CDKAL1: variants seen among roughly 807,000 people sequenced by gnomAD.
The protein encoded by CDKAL1 is CDKAL1 threonylcarbamoyladenosine tRNA methylthiotransferase, also known as threonylcarbamoyladenosine tRNA methylthiotransferase.
Under a neutral mutation model 68.2 loss-of-function variants are expected in CDKAL1, and 32 were observed. The ratio of observed to expected loss-of-function variants is 0.47; its 90% CI spans 0.35 to 0.63. The LOEUF is 0.63. Among genes scored for constraint, CDKAL1 ranks in the 30% least tolerant of loss-of-function variants. The pLI is 0.00. For missense variants in CDKAL1, 606 were observed against 696.7 expected (o/e 0.87, Z 1.47); for synonymous variants, 234 against 244.3 (o/e 0.96, Z 0.39).
chr6:20,911,507 A>G (rs1762467555), intron 9 of CDKAL1, among the ~76,000 whole-genome samples: 1 of 152,244 alleles, frequency 6.6e-6, no homozygotes, highest in African/African-American at 2.4e-5. Context: ...GCAGGGTGAC[A>G]CCAAAATGCC....
intron 5 of CDKAL1, among the ~76,000 whole-genome samples, chr6:20,657,160 G>A (rs1226779950): frequency 1.3e-5 from 2 of 152,292 alleles, no homozygotes; most frequent in East Asian, 3.9e-4. Flanking sequence ...GATGAGTAGT[G>A]TAACATTGTT....
At chr6:20,668,266 C>CT in intron 5 of CDKAL1, among the ~76,000 whole-genome samples, 1 of 152,200 alleles carries the variant, frequency 6.6e-6, no homozygotes, top group South Asian at 2.1e-4. Flanking sequence ...CACCTCTCGA[C>CT]TTTTTTGGTA....
chr6:20,835,837 A>C (rs1246408909), intron 8 of CDKAL1, among the ~76,000 whole-genome samples: 2 of 152,130 alleles, frequency 1.3e-5, no homozygotes, highest in African/African-American at 2.4e-5. Flanking sequence ...GGCATGAGTC[A>C]CTGCGCCTGG....
chr6:20,679,164 G>A (rs1458306977), intron 5 of CDKAL1, among the ~76,000 whole-genome samples: 1 of 152,130 alleles, frequency 6.6e-6, no homozygotes, highest in African/African-American at 2.4e-5. Flanking sequence ...CCCTCCTCCT[G>A]CCCTGGCCTC....
chr6:20,617,039 A>AG (rs755858172), intron 4 of CDKAL1, among the ~76,000 whole-genome samples: 1 of 85,312 alleles, frequency 1.2e-5, no homozygotes, highest in Non-Finnish European at 2.5e-5. Flanking sequence ...TTTCTGTCTC[A>AG]GAAGAAAAAA....
chr6:21,103,672 A>AT (rs909068111), intron 12 of CDKAL1, among the ~76,000 whole-genome samples: 1 of 152,178 alleles, frequency 6.6e-6, no homozygotes. Context: ...GTACTTTGGG[A>AT]TTAATGATGA....
intron 4 of CDKAL1, among the ~76,000 whole-genome samples, chr6:20,640,243 A>T (rs1053796645): frequency 1.3e-5 from 2 of 152,172 alleles, no homozygotes; most frequent in African/African-American, 4.8e-5. Flanking sequence ...TTCTTACTGA[A>T]TTTTTATTTG....
chr6:21,116,224 G>A (rs1435493473), intron 13 of CDKAL1, among the ~76,000 whole-genome samples: 1 of 152,030 alleles, frequency 6.6e-6, no homozygotes, highest in Non-Finnish European at 1.5e-5. Flanking sequence ...GTAGAATCGA[G>A]GTATTTACAA....
chr6:20,573,290 A>G (rs1764778585), intron 4 of CDKAL1, among the ~76,000 whole-genome samples: 1 of 152,176 alleles, frequency 6.6e-6, no homozygotes, highest in Non-Finnish European at 1.5e-5. Context: ...TATAGTGACC[A>G]TAATGAGAAT....
At chr6:20,968,317 C>A (rs1277585826) in intron 10 of CDKAL1, among the ~76,000 whole-genome samples, 1 of 151,788 alleles carries the variant, frequency 6.6e-6, no homozygotes, top group Non-Finnish European at 1.5e-5. Context: ...TGCCACCACA[C>A]CCAGCTAGTT....
intron 15 of CDKAL1, among the ~76,000 whole-genome samples, chr6:21,203,755 G>A (rs1402146159): frequency 7.4e-6 from 1 of 134,818 alleles, no homozygotes; most frequent in African/African-American, 2.9e-5. Context: ...AGGCTGGAGT[G>A]CAATAGCATG....
chr6:20,761,539 T>C (rs1561754869), intron 7 of CDKAL1, among the ~76,000 whole-genome samples: 3 of 152,060 alleles, frequency 2.0e-5, no homozygotes, highest in Non-Finnish European at 4.4e-5. Flanking sequence ...AGTAAGTAAA[T>C]AGATAAAGAA....
At chr6:20,638,672 C>T (rs187137657) in intron 4 of CDKAL1, among the ~76,000 whole-genome samples, 7 of 149,568 alleles carry the variant, frequency 4.7e-5, no homozygotes, top group South Asian at 2.1e-4. Flanking sequence ...AGTGCAGTGG[C>T]GCGATCTCAG....
In CDKAL1 at chr6:20,545,130, T is replaced by C. The variant is rs1266770441; in HGVS notation, c.-5-1216T>C. On this transcript the variant is annotated intron_variant, in intron 2 of 15. Coordinates refer to ENST00000274695, the MANE Select transcript of CDKAL1 (RefSeq NM_017774.3). The stretch of plus-strand genomic sequence containing the variant: ...TGTTGGCATCTCTTGCCATTTCTGA[T>C]TGCTGGGATCTTTAGTGAGCTGTAG... 6.6e-5 allele frequency among the ~76,000 whole-genome samples: 10 copies of C among 151,910 alleles called. No individual in the cohort carries two copies. In the East Asian group the frequency reaches 1.9e-3, roughly 29 times the overall value.
intron 9 of CDKAL1, among the ~76,000 whole-genome samples, chr6:20,936,072 A>C (rs551790920): frequency 6.6e-6 from 1 of 152,170 alleles, no homozygotes; most frequent in Non-Finnish European, 1.5e-5. Flanking sequence ...ACTGTATCTA[A>C]CTTTAACACC....
intron 7 of CDKAL1, among the ~76,000 whole-genome samples, chr6:20,764,737 A>G (rs1581534463): frequency 6.6e-6 from 1 of 152,312 alleles, no homozygotes; most frequent in Non-Finnish European, 1.5e-5. Flanking sequence ...GATATGTAGC[A>G]TGGTATATCT....
At chr6:21,093,683 T>C (rs965900398) in intron 12 of CDKAL1, among the ~76,000 whole-genome samples, 1 of 144,510 alleles carries the variant, frequency 6.9e-6, no homozygotes, top group South Asian at 2.2e-4. Context: ...CCAACTGAGC[T>C]GCTGCTGCTG....
chr6:21,154,616 G>T (rs905014431), intron 13 of CDKAL1, among the ~76,000 whole-genome samples: 1 of 152,170 alleles, frequency 6.6e-6, no homozygotes. Context: ...TTGTCTACAT[G>T]AAATGGAAAT....
intron 11 of CDKAL1, among the ~76,000 whole-genome samples, chr6:21,056,364 C>G (rs1205755845): frequency 6.6e-6 from 1 of 151,952 alleles, no homozygotes; most frequent in Non-Finnish European, 1.5e-5. Context: ...GATTTTTGCA[C>G]CTTGATTTTG....
Sources: gnomAD v4.1 joint callset for allele counts (sites outside exome capture counted in the v4.1 genomes callset) on GRCh38, gnomAD v4.1.1 for gene constraint, MANE v1.5 for transcripts, NCBI Gene and HGNC (gene_info 2026-07-23, HGNC 2026-07-21) for gene names.